Variants in NDUFA9 observed in about 807,000 individuals in gnomAD.
NDUFA9 encodes NADH:ubiquinone oxidoreductase subunit A9, also known as NADH dehydrogenase [ubiquinone] 1 alpha subcomplex subunit 9, mitochondrial.
NDUFA9 carries 23 observed loss-of-function variants against 45.9 expected under a neutral mutation model. The ratio of observed to expected loss-of-function variants is 0.50; its 90% CI spans 0.36 to 0.71. The LOEUF (loss-of-function observed/expected upper bound fraction) is 0.71. Among genes scored for constraint, NDUFA9 ranks in the 30% least tolerant of loss-of-function variants. The pLI is 0.00. For missense variants in NDUFA9, 466 were observed against 488.2 expected, an observed-to-expected ratio of 0.95 and a Z score of 0.43; for synonymous variants, 176 against 170.5, an observed-to-expected ratio of 1.03 and a Z score of -0.25.
At chr12:4,677,216 A>T (rs189493978) in intron 8 of NDUFA9, among the ~76,000 whole-genome samples, 1 of 152,246 alleles carries the variant, frequency 6.6e-6, no homozygotes, top group African/African-American at 2.4e-5. Flanking sequence ...AAAGCTAGGC[A>T]ATACCATTCA....
chr12:4,678,108 T>C (rs1193401890), intron 8 of NDUFA9, among the ~76,000 whole-genome samples: 2 of 151,422 alleles, frequency 1.3e-5, no homozygotes, highest in African/African-American at 2.4e-5. Context: ...AACAGGGAGG[T>C]GAACATCACA....
Position 4,660,668 on chromosome 12 carries a change from G to A in NDUFA9, c.552+1491G>A, listed in dbSNP as rs1002224684. ...AAGACTAAGCAGGACATGATAAGGCGGAAGGGAAACCAGGAGAGTACAGTG... is the reference window on the plus strand; with the variant it reads ...AAGACTAAGCAGGACATGATAAGGCAGAAGGGAAACCAGGAGAGTACAGTG... On this transcript the variant is annotated intron_variant, in intron 5 of 10. Transcript: ENST00000266544. Among the ~76,000 whole-genome samples the A allele has an allele frequency of 6.6e-5, 10 of 152,122 alleles. No homozygotes were observed. The South Asian group carries it at 1.0e-3, about 16-fold the overall frequency.
rs145392138 is a variant in NDUFA9, at chr12:4,681,988, G to A, written c.801-217G>A. On this transcript the variant is annotated intron_variant, in intron 8 of 10. Coordinates refer to ENST00000266544, the MANE Select transcript of NDUFA9 (RefSeq NM_005002.5). ...AGAATGGATTGTGTATTTATTAAAA[G>A]CAGAATAATGTATATATGTAAGGGG... 9.3e-3 allele frequency among the ~76,000 whole-genome samples: 1,415 copies of A among 152,204 alleles called. 17 individuals carry two copies. Among genetic ancestry groups the A allele is most frequent in the African/African-American group, 0.031 (1,300 of 41,538 alleles).
At chr12:4,675,128 G>A (rs1425006227) in intron 8 of NDUFA9, among the ~76,000 whole-genome samples, 1 of 152,302 alleles carries the variant, frequency 6.6e-6, no homozygotes, top group East Asian at 1.9e-4. Context: ...TGAGAACAAA[G>A]ACACAACATT....
In NDUFA9 at chr12:4,668,290, T is replaced by C. The variant is rs55872857; in HGVS notation, c.656-167T>C. On this transcript the variant is annotated intron_variant, in intron 6 of 10. Transcript: ENST00000266544. ...GCCTTTTTATTTTCCGAGTTTATTA[T>C]CTGAAAAACTAATGACTGCCTTTTG... 2.3e-3 allele frequency among the ~76,000 whole-genome samples: 348 copies of C among 152,348 alleles called. 2 individuals carry two copies. The highest frequency in any genetic ancestry group is 7.8e-3 in the African/African-American group (326 of 41,592).
intron 9 of NDUFA9, 51 bp from the exon 10 acceptor site, chr12:4,685,208 C>A: frequency 6.7e-7 from 1 of 1,492,100 alleles, no homozygotes. Context: ...TAGCTTACAT[C>A]TTGGGCAGAG....
At position 4,693,365 on chromosome 12, in the gene NDUFA9, G is replaced by A. The variant is rs1017127833; in HGVS notation, c.*6257G>A. On this transcript the variant is annotated 3_prime_UTR_variant, in exon 11 of 11. Transcript: ENST00000266544. ...CTCAATTTGATAATTAGGATGCCCA[G>A]TGTTGTGTAATAATTAAAGCGTTAA... 2 of 152,200 alleles carry A rather than the reference G, an allele frequency of 1.3e-5. No homozygotes were observed. Among genetic ancestry groups the A allele is most frequent in the East Asian group, 3.8e-4 (2 of 5,200 alleles). The allele number at this position is 152,200 out of a possible 1,614,324, so 9.4% of individuals were successfully genotyped here.
At position 4,685,324 on chromosome 12, in the gene NDUFA9, G is replaced by A. The variant is rs199592341; in HGVS notation, c.962G>A (p.Arg321Gln). The stretch of plus-strand genomic sequence containing the variant: ...TGGATAACAAGGGATAAAGTGGAGC[G>A]GGTGAGTACATGTGTGGAAAGCGTC... ...EPWITRDKVE[R>Q]MHITDMKLPH... Residue 321 changes from arginine (R) to glutamine (Q), a missense_variant and splice_region_variant, in exon 10 of 11, where the codon CGG becomes CAG. Arg to Gln is a conservative substitution (Grantham distance 43). Transcript: ENST00000266544. 3.0e-5 allele frequency: 49 copies of A among 1,613,096 alleles called. No homozygotes were observed. Among genetic ancestry groups the A allele is most frequent in the Admixed American group, 2.3e-4 (14 of 60,016 alleles).
rs1945996840 is a variant in NDUFA9 at position 4,687,830 on chromosome 12, T to G, written c.*722T>G. ...CTTAAAATTGCAGCCAAGACCCAGA[T>G]GAACATTTGGTTTAGTGTTGGCAAA... On this transcript the variant is annotated 3_prime_UTR_variant, in exon 11 of 11. Coordinates refer to ENST00000266544, the MANE Select transcript of NDUFA9 (RefSeq NM_005002.5). 6.6e-6 allele frequency: 1 copy of G among 152,204 alleles called. No individual in the cohort carries two copies. Among genetic ancestry groups the G allele is most frequent in the Non-Finnish European group, 1.5e-5 (1 of 68,042 alleles). 9.4% of individuals were successfully genotyped at this position (152,204 alleles called of 1,614,324 possible). A position where few individuals can be genotyped will look rare whatever the true frequency, so the allele number is the denominator to read the frequency against.
intron 5 of NDUFA9, 50 bp downstream of exon 5, chr12:4,659,227 G>A (rs1370148982): frequency 6.6e-7 from 1 of 1,515,100 alleles, no homozygotes; most frequent in Admixed American, 1.8e-5. Context: ...AGAGTTTCTT[G>A]GGCCATTTGA....
At chr12:4,668,273 A>G (rs896932586) in intron 6 of NDUFA9, among the ~76,000 whole-genome samples, 184 bp from the exon 7 acceptor site, 14 of 152,016 alleles carry the variant, frequency 9.2e-5, no homozygotes, top group African/African-American at 3.1e-4. Flanking sequence ...TGGCCTTTTT[A>G]TTTTCCGAGT....
chr12:4,677,363 C>A (rs181733918), intron 8 of NDUFA9, among the ~76,000 whole-genome samples: 7 of 152,286 alleles, frequency 4.6e-5, no homozygotes, highest in African/African-American at 1.4e-4. Context: ...AGTGAACAGG[C>A]AACCTACAGA....
chr12:4,672,768 A>G (rs979154122), intron 8 of NDUFA9, among the ~76,000 whole-genome samples: 1 of 152,230 alleles, frequency 6.6e-6, no homozygotes, highest in African/African-American at 2.4e-5. Context: ...ATCCTGGGAC[A>G]GAGCATCTGG....
At chr12:4,657,571 TCAG>T (rs1312971022) in intron 3 of NDUFA9, 174 bp from the exon 4 acceptor site, 1 of 579,594 alleles carries the variant, frequency 1.7e-6, no homozygotes, top group Non-Finnish European at 3.1e-6. Context: ...AGTGAGGGAA[TCAG>T]CAGGGAGTCT....
intron 10 of NDUFA9, among the ~76,000 whole-genome samples, chr12:4,686,251 C>T (rs1022681718): frequency 6.6e-6 from 1 of 152,196 alleles, no homozygotes; most frequent in Non-Finnish European, 1.5e-5. Flanking sequence ...GGGATTGCTG[C>T]TGCTCTAGGT....
chr12:4,666,619 TGAAA>T (rs552777382), intron 6 of NDUFA9, among the ~76,000 whole-genome samples: 11,868 of 152,256 alleles, frequency 0.078, 611 homozygotes, highest in Non-Finnish European at 0.11. Flanking sequence ...TCCAGTATGT[TGAAA>T]AGATTATCTT....
In NDUFA9 at chr12:4,688,022, C is replaced by T. The variant is rs1193565369; in HGVS notation, c.*914C>T. 2.0e-5 allele frequency: 3 copies of T among 152,160 alleles called. No individual in the cohort carries two copies. The allele number at this position is 152,160 out of a possible 1,614,324, so 9.4% of individuals were successfully genotyped here. On this transcript the variant is annotated 3_prime_UTR_variant, in exon 11 of 11. Coordinates refer to ENST00000266544, the MANE Select transcript of NDUFA9 (RefSeq NM_005002.5). ...AAAACGCTGTTTGATGAGGGAATGC[C>T]CGTCTCCTTACAGAGAGAAAGGTAT... is the stretch of plus-strand genomic sequence containing the variant.
At chr12:4,669,838 T>C (rs1264982417) in intron 8 of NDUFA9, 21 bp downstream of exon 8, 1 of 1,549,110 alleles carries the variant, frequency 6.5e-7, no homozygotes, top group Admixed American at 1.7e-5. Context: ...AGAGTTTGAA[T>C]TTTAAATTGT....
rs1945777851 is a variant in NDUFA9, at chr12:4,654,480, A to G, written c.220+18A>G. ...CCACCTTGGTAAGTAAAGTTCCTTA[A>G]GTTCATATGCTCCATTGCCATTGAT... is the stretch of plus-strand genomic sequence containing the variant. On this transcript the variant is annotated intron_variant, in intron 2 of 10. Coordinates refer to ENST00000266544, the MANE Select transcript of NDUFA9 (RefSeq NM_005002.5). 1 of 1,613,102 alleles carries G rather than the reference A, an allele frequency of 6.2e-7. No individual in the cohort carries two copies. The highest frequency in any genetic ancestry group is 2.2e-5 in the East Asian group (1 of 44,856).
Sources: gnomAD v4.1 joint callset for allele counts (sites outside exome capture counted in the v4.1 genomes callset) on GRCh38, gnomAD v4.1.1 for gene constraint, MANE v1.5 for transcripts, NCBI Gene and HGNC (gene_info 2026-07-23, HGNC 2026-07-21) for gene names.